Variants in ANO2 observed in about 807,000 individuals in gnomAD.
ANO2 encodes the protein anoctamin-2.
ANO2 carries 101 observed loss-of-function variants against 124.2 expected under a neutral mutation model. The ratio of observed to expected loss-of-function variants is 0.81; its 90% CI spans 0.69 to 0.96. The LOEUF is 0.96. Ranked by LOEUF, ANO2 falls within the 40% of genes least tolerant of loss-of-function variation. ANO2 has a pLI of 0.00. For synonymous variants in ANO2, 486 were observed against 482.5 expected (o/e 1.01, Z -0.09); for missense variants, 1,293 against 1,274.5 (o/e 1.01, Z -0.22).
intron 3 of ANO2, among the ~76,000 whole-genome samples, chr12:5,865,752 A>ATCACACCATCATGCAT (rs1384103935): frequency 3.3e-5 from 5 of 150,108 alleles, no homozygotes; most frequent in Admixed American, 6.6e-5. Flanking sequence ...CCATCATGCA[A>ATCACACCATCATGCAT]TCACACCATC....
intron 14 of ANO2, among the ~76,000 whole-genome samples, chr12:5,692,124 C>G (rs1197030039): frequency 6.6e-6 from 1 of 152,104 alleles, no homozygotes; most frequent in Non-Finnish European, 1.5e-5. Context: ...CCAGATACAG[C>G]AGGCAGGCGG....
chr12:5,731,297 C>T (rs184235091), intron 14 of ANO2, among the ~76,000 whole-genome samples: 2 of 151,508 alleles, frequency 1.3e-5, no homozygotes, highest in East Asian at 1.9e-4. Context: ...TGGACTTGGT[C>T]TTCGTCTAGG....
chr12:5,899,152 T>C lies in ANO2; in HGVS notation c.534+21888A>G, dbSNP rs544534805. Among the ~76,000 whole-genome samples the C allele has an allele frequency of 2.1e-4, 32 of 152,332 alleles. No individual in the cohort carries two copies. In the South Asian group the frequency reaches 4.8e-3, roughly 23 times the overall value. ...AGTAAGTGCACAGTAAACTCATTGA[T>C]TGAGACAGTCGCCTCTGGGTGATGC... On this transcript the variant is annotated intron_variant, in intron 3 of 24. Transcript: ENST00000682330.
intron 14 of ANO2, among the ~76,000 whole-genome samples, chr12:5,703,364 A>G (rs1396870056): frequency 2.6e-5 from 4 of 152,188 alleles, no homozygotes; most frequent in Admixed American, 2.6e-4. Context: ...CAACGTTAAG[A>G]GCAGTGGTAA....
chr12:5,607,693 G>A (rs373306448), intron 19 of ANO2, among the ~76,000 whole-genome samples: 3 of 152,092 alleles, frequency 2.0e-5, no homozygotes, highest in African/African-American at 7.2e-5. Context: ...TTGTCAGGCC[G>A]GTGGCGGCAT....
rs567321493 is a variant in ANO2 at position 5,621,370 on chromosome 12, C to T, written c.1817-6073G>A. On this transcript the variant is annotated intron_variant, in intron 16 of 24. Transcript: ENST00000682330. ...ATATTAAAAATTCCCTGTCGTATTCCAAGGAGGACAAATTCTAAGGAGGGA... is the reference window on the plus strand; with the variant it reads ...ATATTAAAAATTCCCTGTCGTATTCTAAGGAGGACAAATTCTAAGGAGGGA... Among the ~76,000 whole-genome samples, 24 of 152,200 alleles carry T rather than the reference C, an allele frequency of 1.6e-4. No homozygotes were observed. In the East Asian group the frequency reaches 4.3e-3, roughly 27 times the overall value.
chr12:5,581,216 G>A (rs551160481), intron 20 of ANO2, among the ~76,000 whole-genome samples: 2 of 152,310 alleles, frequency 1.3e-5, no homozygotes, highest in South Asian at 4.1e-4. Flanking sequence ...TATTTATGGA[G>A]TTATAAGCTG....
At chr12:5,641,419 A>G (rs895626663) in intron 15 of ANO2, among the ~76,000 whole-genome samples, 37 of 140,866 alleles carry the variant, frequency 2.6e-4, no homozygotes, top group African/African-American at 9.7e-4. Context: ...CTTTTTTTTA[A>G]GTGGGAAAAA....
intron 19 of ANO2, among the ~76,000 whole-genome samples, chr12:5,610,717 T>TATATAC (rs1451059764): frequency 1.2e-5 from 1 of 81,972 alleles, no homozygotes; most frequent in Non-Finnish European, 2.5e-5. Flanking sequence ...TGTGTACACA[T>TATATAC]ATATACATAT....
At chr12:5,926,174 G>T (rs1565787157) in intron 1 of ANO2, among the ~76,000 whole-genome samples, 1 of 152,156 alleles carries the variant, frequency 6.6e-6, no homozygotes, top group Non-Finnish European at 1.5e-5. Flanking sequence ...TCTTCCTCAT[G>T]CCCCATGTCC....
intron 15 of ANO2, among the ~76,000 whole-genome samples, chr12:5,644,720 T>C (rs1946544540): frequency 6.6e-6 from 1 of 152,240 alleles, no homozygotes; most frequent in Non-Finnish European, 1.5e-5. Flanking sequence ...CCAAGGTACA[T>C]TCTTAGAATT....
chr12:5,854,254 G>T, intron 3 of ANO2, 113 bp from the exon 4 acceptor site: 1 of 938,722 alleles, frequency 1.1e-6, no homozygotes, highest in African/African-American at 1.7e-5. Flanking sequence ...TCAGTTTCTC[G>T]TTTTCGTTCT....
At position 5,580,028 on chromosome 12, in the gene ANO2, G is replaced by C. The variant is rs183167201; in HGVS notation, c.2234-1510C>G. ...CACATCTTTATTTCCCACTGAGAAG[G>C]CAAGGCCTCCGTCCCTTCTAGGGGT... On this transcript the variant is annotated intron_variant, in intron 20 of 24. Coordinates refer to ENST00000682330, the MANE Select transcript of ANO2 (RefSeq NM_001364791.2). Among the ~76,000 whole-genome samples the C allele has an allele frequency of 9.2e-5, 14 of 152,274 alleles. No individual in the cohort carries two copies. In the East Asian group the frequency reaches 2.7e-3, roughly 29 times the overall value.
intron 14 of ANO2, among the ~76,000 whole-genome samples, chr12:5,683,304 G>T (rs935463116): frequency 1.3e-5 from 2 of 152,126 alleles, no homozygotes; most frequent in Admixed American, 1.3e-4. Context: ...AAAGATTGAC[G>T]TGTCTCTCTC....
chr12:5,845,499 G>A (rs796398624), intron 4 of ANO2, among the ~76,000 whole-genome samples: 14 of 150,294 alleles, frequency 9.3e-5, no homozygotes, highest in African/African-American at 2.7e-4. Context: ...CTCAGGAGGC[G>A]GAGCTTGCAG....
At chr12:5,923,530 T>C (rs1941937578) in intron 1 of ANO2, among the ~76,000 whole-genome samples, 2 of 151,612 alleles carry the variant, frequency 1.3e-5, no homozygotes, top group Admixed American at 1.3e-4. Flanking sequence ...ACCAAGGGGG[T>C]CCTCTGAACA....
intron 10 of ANO2, among the ~76,000 whole-genome samples, chr12:5,796,498 GAC>G (rs1197553239): frequency 6.9e-6 from 1 of 145,506 alleles, no homozygotes; most frequent in African/African-American, 2.7e-5. Flanking sequence ...AACACACAGA[GAC>G]ACACTCTCAC....
intron 16 of ANO2, among the ~76,000 whole-genome samples, chr12:5,631,714 T>C (rs1300404365): frequency 6.6e-6 from 1 of 152,184 alleles, no homozygotes; most frequent in Non-Finnish European, 1.5e-5. Context: ...GAGGTCGTTT[T>C]GGCAGTCACA....
chr12:5,849,361 G>C (rs1048238232), intron 4 of ANO2, among the ~76,000 whole-genome samples: 2 of 152,218 alleles, frequency 1.3e-5, no homozygotes, highest in Admixed American at 6.5e-5. Context: ...GAGAAACGGA[G>C]TGTTCATTCA....
Sources: allele counts gnomAD v4.1 joint callset (sites outside exome capture counted in the v4.1 genomes callset), GRCh38; gene constraint gnomAD v4.1.1; transcripts MANE v1.5; gene names NCBI Gene and HGNC (gene_info 2026-07-23, HGNC 2026-07-21).